Variants in ASTN2 observed in about 807,000 individuals in gnomAD.
ASTN2 encodes astrotactin 2.
A neutral mutation model predicts 139.8 loss-of-function variants in ASTN2; 54 were observed. The observed-to-expected ratio is 0.39, with a 90% CI of 0.31 to 0.48. The LOEUF (loss-of-function observed/expected upper bound fraction) is 0.48, where lower values mean the gene tolerates loss of function less well. Among genes scored for constraint, ASTN2 ranks in the 20% least tolerant of loss-of-function variants. The pLI, the probability that ASTN2 is intolerant of heterozygous loss-of-function variation, is 0.95. For missense variants in ASTN2, 1,565 were observed against 1,725.1 expected, an observed-to-expected ratio of 0.91 and a Z score of 1.64; for synonymous variants, 756 against 719.5, an observed-to-expected ratio of 1.05 and a Z score of -0.81.
intron 16 of ASTN2, among the ~76,000 whole-genome samples, chr9:116,722,780 G>A (rs1158652987): frequency 6.6e-6 from 1 of 152,046 alleles, no homozygotes; most frequent in Admixed American, 6.6e-5. Context: ...CTACTCTACC[G>A]AGTTTGACCC....
intron 13 of ASTN2, among the ~76,000 whole-genome samples, chr9:116,775,948 C>T (rs533683286): frequency 1.1e-4 from 16 of 152,268 alleles, no homozygotes; most frequent in Non-Finnish European, 2.2e-4. Flanking sequence ...ATTCAAATCT[C>T]ATTTTTCATG....
At chr9:116,942,090 GCACA>G (rs71379244) in intron 10 of ASTN2, among the ~76,000 whole-genome samples, 59 of 149,876 alleles carry the variant, frequency 3.9e-4, no homozygotes, top group South Asian at 1.3e-3. Context: ...ACGCACGCAC[GCACA>G]CACACACACA....
intron 13 of ASTN2, among the ~76,000 whole-genome samples, chr9:116,790,978 A>AGAAAGAAAGAAAAGAAAGAAG (rs1564268935): frequency 6.1e-5 from 4 of 66,054 alleles, no homozygotes; most frequent in Non-Finnish European, 8.9e-5. Context: ...AAAGAAAGAA[A>AGAAAGAAAGAAAAGAAAGAAG]GAAAGAAAGA....
Position 116,531,813 on chromosome 9 carries a change from C to T in ASTN2, c.3356-44313G>A, listed in dbSNP as rs60708087. 3.6e-4 allele frequency among the ~76,000 whole-genome samples: 55 copies of T among 152,264 alleles called. 1 individual carries two copies. The highest frequency in any genetic ancestry group is 1.3e-3 in the African/African-American group (54 of 41,552). ...CAAGTCTTTGCTATTGTAAATAGTGCCGCAGAAAACATACGTGTGCATGTG... is the reference window on the plus strand; with the variant it reads ...CAAGTCTTTGCTATTGTAAATAGTGTCGCAGAAAACATACGTGTGCATGTG... On this transcript the variant is annotated intron_variant, in intron 19 of 22. Coordinates refer to ENST00000313400, the MANE Select transcript of ASTN2 (RefSeq NM_001365068.1).
At chr9:116,934,092 C>T (rs537397554) in intron 10 of ASTN2, among the ~76,000 whole-genome samples, 3 of 149,686 alleles carry the variant, frequency 2.0e-5, no homozygotes, top group South Asian at 2.1e-4. Context: ...ATTTAAAAAC[C>T]AATCCAGATG....
At chr9:117,218,452 G>C (rs922202208) in intron 2 of ASTN2, among the ~76,000 whole-genome samples, 2 of 152,166 alleles carry the variant, frequency 1.3e-5, no homozygotes, top group African/African-American at 4.8e-5. Context: ...CCAGTATTCT[G>C]GGGCTCATCG....
At chr9:116,485,226 A>T (rs892494739) in intron 20 of ASTN2, among the ~76,000 whole-genome samples, 1 of 152,138 alleles carries the variant, frequency 6.6e-6, no homozygotes, top group Non-Finnish European at 1.5e-5. Context: ...CCTGTGAGCC[A>T]AACACCACAT....
At chr9:117,041,495 T>A (rs1324675569) in intron 5 of ASTN2, among the ~76,000 whole-genome samples, 1 of 152,174 alleles carries the variant, frequency 6.6e-6, no homozygotes, top group Non-Finnish European at 1.5e-5. Flanking sequence ...CTTTACAGCA[T>A]CTGAAGAGTT....
At chr9:116,792,028 G>T (rs1299092524) in intron 13 of ASTN2, among the ~76,000 whole-genome samples, 2 of 151,924 alleles carry the variant, frequency 1.3e-5, no homozygotes, top group Non-Finnish European at 2.9e-5. Flanking sequence ...AAATGACCAG[G>T]TTTGGTATAT....
At chr9:117,081,849 C>A (rs1260378033) in intron 5 of ASTN2, among the ~76,000 whole-genome samples, 1 of 152,174 alleles carries the variant, frequency 6.6e-6, no homozygotes, top group African/African-American at 2.4e-5. Context: ...AGGCACATCA[C>A]TCATACAGCT....
chr9:116,985,536 C>T (rs1836653262), intron 7 of ASTN2, among the ~76,000 whole-genome samples: 1 of 152,200 alleles, frequency 6.6e-6, no homozygotes, highest in Non-Finnish European at 1.5e-5. Context: ...TCCACTGGCC[C>T]TATTCCCTTT....
chr9:117,165,743 G>A (rs1036384005), intron 3 of ASTN2, among the ~76,000 whole-genome samples: 5 of 152,060 alleles, frequency 3.3e-5, no homozygotes, highest in South Asian at 2.1e-4. Context: ...TGTGAGTTAC[G>A]GAGCAAGTCA....
chr9:116,687,106 G>T, intron 16 of ASTN2: 1 of 1,159,906 alleles, frequency 8.6e-7, no homozygotes, highest in Non-Finnish European at 1.1e-6. Flanking sequence ...ATGGGCGTCG[G>T]TTTCTTCATC....
chr9:117,229,744 C>T (rs1194428616), intron 2 of ASTN2, among the ~76,000 whole-genome samples: 2 of 152,288 alleles, frequency 1.3e-5, no homozygotes, highest in African/African-American at 4.8e-5. Context: ...AGCCTGGGTT[C>T]CTGGCCCATT....
chr9:116,856,641 T>C (rs1013232197), intron 11 of ASTN2, among the ~76,000 whole-genome samples: 11 of 152,224 alleles, frequency 7.2e-5, no homozygotes, highest in African/African-American at 2.2e-4. Context: ...TGGAAATCCA[T>C]ATGTTTATTC....
intron 10 of ASTN2, among the ~76,000 whole-genome samples, chr9:116,899,049 T>C (rs537915433): frequency 8.4e-4 from 128 of 152,290 alleles, no homozygotes; most frequent in African/African-American, 3.0e-3. Flanking sequence ...TTAAATAGAC[T>C]CAGTATTAAC....
chr9:116,871,913 GA>G (rs1456874518), intron 10 of ASTN2, among the ~76,000 whole-genome samples: 1 of 152,156 alleles, frequency 6.6e-6, no homozygotes, highest in Non-Finnish European at 1.5e-5. Flanking sequence ...AGTTTGTCTG[GA>G]GTCAGACTGC....
chr9:116,687,174 G>T (rs990668980), intron 16 of ASTN2: 38 of 1,063,884 alleles, frequency 3.6e-5, no homozygotes, highest in African/African-American at 1.6e-5. Context: ...GTTCTCAGAG[G>T]AAAGCTCACC....
At chr9:116,975,444 C>A (rs1223020475) in intron 9 of ASTN2, 99 bp from the exon 10 acceptor site, 2 of 1,196,200 alleles carry the variant, frequency 1.7e-6, no homozygotes, top group Non-Finnish European at 2.2e-6. Flanking sequence ...CAATTTCCTA[C>A]TTCTCCATCC....
Sources: gnomAD v4.1 joint callset for allele counts (sites outside exome capture counted in the v4.1 genomes callset) on GRCh38, gnomAD v4.1.1 for gene constraint, MANE v1.5 for transcripts, NCBI Gene and HGNC (gene_info 2026-07-23, HGNC 2026-07-21) for gene names.